MMP13: variants seen among roughly 807,000 people sequenced by gnomAD.
The protein encoded by MMP13 is matrix metallopeptidase 13.
MMP13 carries 45 observed loss-of-function variants against 52.1 expected under a neutral mutation model. The ratio of observed to expected loss-of-function variants is 0.86; its 90% CI spans 0.68 to 1.11. MMP13 has a LOEUF of 1.11. Among genes scored for constraint, MMP13 ranks in the 50% least tolerant of loss-of-function variants. The pLI, the probability that MMP13 is intolerant of heterozygous loss-of-function variation, is 0.00. For missense variants in MMP13, 576 were observed against 583.8 expected, an observed-to-expected ratio of 0.99 and a Z score of 0.14; for synonymous variants, 200 against 204.4, an observed-to-expected ratio of 0.98 and a Z score of 0.18.
chr11:102,949,956 C>A lies in MMP13; in HGVS notation c.917+154G>T, dbSNP rs142026967. 6.6e-6 allele frequency among the ~76,000 whole-genome samples: 1 copy of A among 152,302 alleles called. No homozygotes were observed. The highest frequency in any genetic ancestry group is 1.9e-4 in the East Asian group (1 of 5,192). The stretch of plus-strand genomic sequence containing the variant: ...AAAAGTAAAACATTTATCCATCAGT[C>A]ATTTATTTGATCTGAAATATGTAAA... On this transcript the variant is annotated intron_variant, in intron 6 of 9. Transcript: ENST00000260302. The surrounding 1 kb of genome is among the most constrained non-coding windows in gnomAD (Gnocchi z 4.2).
Position 102,954,547 on chromosome 11 carries a change from G to T in MMP13, c.422C>A (p.Ala141Asp). 6.2e-7 allele frequency: 1 copy of T among 1,613,578 alleles called. No homozygotes were observed. Among genetic ancestry groups the T allele is most frequent in the Non-Finnish European group, 8.5e-7 (1 of 1,179,648 alleles). The stretch of plus-strand genomic sequence containing the variant: ...AGTTACATCGGACCAAACTTTGAAG[G>T]CTTTTTTGAATGCCTTTTCGACTTC... Reference protein sequence around the residue: ...HSEVEKAFKKAFKVWSDVTPL... With the variant: ...HSEVEKAFKKDFKVWSDVTPL... Residue 141 changes from alanine to aspartate, a missense_variant, in exon 3 of 10, where the codon GCC becomes GAC. Transcript: ENST00000260302.
At chr11:102,954,059 C>T (rs1264758516) in intron 4 of MMP13, 97 bp downstream of exon 4, 2 of 1,354,418 alleles carry the variant, frequency 1.5e-6, no homozygotes, top group Admixed American at 2.0e-5. Flanking sequence ...TAGTCAAATA[C>T]CAAATATATT....
intron 7 of MMP13, among the ~76,000 whole-genome samples, chr11:102,948,807 TGG>T (rs1860558773): frequency 6.6e-6 from 1 of 151,972 alleles, no homozygotes. Flanking sequence ...AAAGAAAGAG[TGG>T]ATATGACAAG....
intron 4 of MMP13, 55 bp downstream of exon 4, chr11:102,954,101 G>T (rs1860654884): frequency 1.3e-6 from 2 of 1,593,994 alleles, no homozygotes; most frequent in Non-Finnish European, 1.7e-6. Flanking sequence ...TCATACTAGT[G>T]TGTTCACTGT....
At chr11:102,946,564 A>G (rs72985586) in intron 8 of MMP13, among the ~76,000 whole-genome samples, 69 of 152,358 alleles carry the variant, frequency 4.5e-4, no homozygotes, top group African/African-American at 1.6e-3. Flanking sequence ...GGAAATCAAA[A>G]GAGGCTTTGT....
At chr11:102,945,188 G>A (rs183179628) in intron 9 of MMP13, 4 of 536,356 alleles carry the variant, frequency 7.5e-6, no homozygotes, top group East Asian at 1.6e-4. Context: ...AGGTTGCAGC[G>A]AGCTCAGATT....
intron 8 of MMP13, 106 bp from the exon 9 acceptor site, chr11:102,945,855 A>G: frequency 1.5e-6 from 1 of 662,070 alleles, no homozygotes; most frequent in Non-Finnish European, 2.6e-6. Context: ...AAGAATTTTA[A>G]AATTTTCAGT....
Position 102,943,323 on chromosome 11 carries a change from A to G in MMP13, c.*943T>C, listed in dbSNP as rs1250245225. 3 of 152,228 alleles carry G rather than the reference A, an allele frequency of 2.0e-5. No homozygotes were observed. Among genetic ancestry groups the G allele is most frequent in the Admixed American group, 6.6e-5 (1 of 15,264 alleles). 9.4% of individuals were successfully genotyped at this position (152,228 alleles called of 1,614,324 possible). ...TATACATACTTCCACTTTATAAGAT[A>G]TATTTTATTTCATGCTATACAAGTC... On this transcript the variant is annotated 3_prime_UTR_variant, in exon 10 of 10. Coordinates refer to ENST00000260302, the MANE Select transcript of MMP13 (RefSeq NM_002427.4).
Position 102,949,348 on chromosome 11 carries a change from G to A in MMP13, c.918-190C>T, listed in dbSNP as rs986407173. On this transcript the variant is annotated intron_variant, in intron 6 of 9. Coordinates refer to ENST00000260302, the MANE Select transcript of MMP13 (RefSeq NM_002427.4). This position sits in a 1 kb window ranked among gnomAD's most constrained non-coding sequence, Gnocchi z 4.2. ...GTTGTGCTATCCTAACTAGCGTAAG[G>A]TATTCAACTTTGAAATCTCACAGAG... Among the ~76,000 whole-genome samples, 3 of 152,112 alleles carry A rather than the reference G, an allele frequency of 2.0e-5. No individual in the cohort carries two copies. The highest frequency in any genetic ancestry group is 1.3e-4 in the Admixed American group (2 of 15,266).
At chr11:102,954,851 A>G (rs1358890472) in intron 2 of MMP13, among the ~76,000 whole-genome samples, 1 of 152,168 alleles carries the variant, frequency 6.6e-6, no homozygotes, top group African/African-American at 2.4e-5. Flanking sequence ...AAAATATTCC[A>G]ATGTTTAATA....
At chr11:102,945,014 C>T (rs112759287) in intron 9 of MMP13, 22,251 of 206,816 alleles carry the variant, frequency 0.11, 1,372 homozygotes, top group East Asian at 0.17. Context: ...GAGGCCGAGG[C>T]GGGTGAATCG....
intron 7 of MMP13, 31 bp from the exon 8 acceptor site, chr11:102,948,081 C>G: frequency 6.3e-7 from 1 of 1,599,362 alleles, no homozygotes; most frequent in Non-Finnish European, 8.6e-7. Flanking sequence ...GTTCTATTAT[C>G]CAAGGGAATC....
chr11:102,944,659 T>C (rs2134512089), intron 9 of MMP13, among the ~76,000 whole-genome samples: 1 of 151,916 alleles, frequency 6.6e-6, no homozygotes, highest in East Asian at 1.9e-4. Flanking sequence ...CAGGCTAGAG[T>C]GCAGTGGCAG....
intron 8 of MMP13, among the ~76,000 whole-genome samples, chr11:102,946,608 A>G (rs1860511739): frequency 1.3e-5 from 2 of 152,202 alleles, no homozygotes; most frequent in Admixed American, 1.3e-4. Flanking sequence ...ACTTTAAACA[A>G]TGGATAGAAT....
In MMP13 at chr11:102,952,584, C is replaced by A. The variant is rs566699331; in HGVS notation, c.638-411G>T. On this transcript the variant is annotated intron_variant, in intron 4 of 9. Transcript: ENST00000260302. This position sits in a 1 kb window ranked among gnomAD's most constrained non-coding sequence, Gnocchi z 4.3. Reference sequence around the variant, plus strand: ...AGGGTGGTACCTAGCTAGGGTGCTGCCCAGAACATCCTCCAATCAGGAGGC... The same window carrying A: ...AGGGTGGTACCTAGCTAGGGTGCTGACCAGAACATCCTCCAATCAGGAGGC... Among the ~76,000 whole-genome samples the A allele has an allele frequency of 6.6e-6, 1 of 152,196 alleles. No individual in the cohort carries two copies.
chr11:102,951,873 G>T, intron 5 of MMP13, 139 bp downstream of exon 5: 1 of 830,820 alleles, frequency 1.2e-6, no homozygotes, highest in Non-Finnish European at 2.0e-6. Flanking sequence ...CTGTATTACA[G>T]TATTATGAAA....
At chr11:102,947,798 C>A in intron 8 of MMP13, 93 bp downstream of exon 8, 1 of 1,343,208 alleles carries the variant, frequency 7.4e-7, no homozygotes, top group Non-Finnish European at 1.1e-6. Flanking sequence ...ATGACATTTA[C>A]AATAGTGTGT....
rs2134517186 is a variant in MMP13, at chr11:102,949,238, TCAACACAGACAAGTTAGATA to T, written c.918-100_918-81del. ...ATCCTGCTAGTCACCTCTCTCCACA[TCAACACAGACAAGTTAGATA>T]CAACCAATACCTCCCACCTGTGAAG... is the stretch of plus-strand genomic sequence containing the variant. On this transcript the variant is annotated intron_variant, in intron 6 of 9. Coordinates refer to ENST00000260302, the MANE Select transcript of MMP13 (RefSeq NM_002427.4). The surrounding 1 kb of genome is among the most constrained non-coding windows in gnomAD (Gnocchi z 4.2). The T allele has an allele frequency of 1.3e-6, 2 of 1,546,518 alleles. No homozygotes were observed. The highest frequency in any genetic ancestry group is 2.7e-5 in the African/African-American group (2 of 73,526).
intron 8 of MMP13, among the ~76,000 whole-genome samples, chr11:102,947,651 G>A (rs1860533162): frequency 6.9e-6 from 1 of 145,558 alleles, no homozygotes; most frequent in Non-Finnish European, 1.5e-5. Context: ...TGTTTGAGAA[G>A]AGGAATGTTT....
Sources: gnomAD v4.1 joint callset for allele counts (sites outside exome capture counted in the v4.1 genomes callset) on GRCh38, gnomAD v4.1.1 for gene constraint, Gnocchi (gnomAD v3.1) non-coding constraint, MANE v1.5 for transcripts, NCBI Gene and HGNC (gene_info 2026-07-23, HGNC 2026-07-21) for gene names.